Variants in MTCL2 observed in about 807,000 individuals in gnomAD.
The protein encoded by MTCL2 is microtubule cross-linking factor 2.
chr20:36,804,728 G>A, the MTCL2 span: 3 of 1,611,300 alleles, frequency 1.9e-6, no homozygotes, highest in African/African-American at 4.0e-5. Context: ...ACAGGTGGGG[G>A]GCTCACCTGG....
chr20:36,784,564 C>A, the MTCL2 span: 529 of 985,488 alleles, frequency 5.4e-4, no homozygotes, highest in Non-Finnish European at 6.0e-4. Flanking sequence ...ACTCTGGGTC[C>A]CCAGTCAGTT....
the MTCL2 span, chr20:36,815,167 T>C: frequency 6.2e-7 from 1 of 1,612,094 alleles, no homozygotes; most frequent in Non-Finnish European, 8.5e-7. This position sits in a 1 kb window ranked among gnomAD's most constrained non-coding sequence, Gnocchi z 5.3. Context: ...AGAATCTCCT[T>C]AGAGAGCCCC....
chr20:36,863,325 T>C, the MTCL2 span: 38 of 1,177,946 alleles, frequency 3.2e-5, no homozygotes, highest in Non-Finnish European at 3.6e-5. This position sits in a 1 kb window ranked among gnomAD's most constrained non-coding sequence, Gnocchi z 6.2. Context: ...GACCGGGGGC[T>C]CGGCCGCCGG....
the MTCL2 span, among the ~76,000 whole-genome samples, chr20:36,818,718 A>G: frequency 6.6e-6 from 1 of 151,136 alleles, no homozygotes; most frequent in African/African-American, 2.5e-5. Flanking sequence ...GCATGGAAAT[A>G]AAAACACCTT....
chr20:36,858,393 A>AAC, the MTCL2 span, among the ~76,000 whole-genome samples: 2 of 28,686 alleles, frequency 7.0e-5, no homozygotes, highest in African/African-American at 1.4e-4. Context: ...AAGGAGGGAA[A>AAC]ACACACACAC....
chr20:36,831,568 T>C, the MTCL2 span, among the ~76,000 whole-genome samples: 8 of 152,048 alleles, frequency 5.3e-5, no homozygotes, highest in South Asian at 6.2e-4. Flanking sequence ...CCCTTGGCAA[T>C]GTATGAGGCA....
the MTCL2 span, among the ~76,000 whole-genome samples, chr20:36,790,698 A>G: frequency 6.6e-6 from 1 of 150,836 alleles, no homozygotes; most frequent in African/African-American, 2.4e-5. Flanking sequence ...CGGCCTCCCA[A>G]AGTGCTAGGA....
the MTCL2 span, among the ~76,000 whole-genome samples, chr20:36,840,107 G>C: frequency 6.7e-6 from 1 of 149,990 alleles, no homozygotes; most frequent in East Asian, 2.0e-4. Context: ...CAAGCGATCT[G>C]CCCGCCTTGG....
chr20:36,853,229 C>T, the MTCL2 span, among the ~76,000 whole-genome samples: 1 of 152,106 alleles, frequency 6.6e-6, no homozygotes, highest in Non-Finnish European at 1.5e-5. Context: ...GGCCTGGACC[C>T]GCCTCTCCAA....
At chr20:36,859,705 G>A in the MTCL2 span, 1 of 1,231,726 alleles carries the variant, frequency 8.1e-7, no homozygotes, top group Non-Finnish European at 1.0e-6. Context: ...AGTTCCCAGT[G>A]ACCCCTACAA....
the MTCL2 span, chr20:36,784,723 G>T: frequency 1.0e-6 from 1 of 985,542 alleles, no homozygotes; most frequent in Non-Finnish European, 1.2e-6. Flanking sequence ...GCAGCTCACA[G>T]GGGACGTGAG....
chr20:36,826,256 G>C, the MTCL2 span, among the ~76,000 whole-genome samples: 1 of 147,614 alleles, frequency 6.8e-6, no homozygotes, highest in African/African-American at 2.5e-5. Context: ...TGATCCGCCT[G>C]CCTTGGCTTC....
the MTCL2 span, among the ~76,000 whole-genome samples, chr20:36,796,614 C>T: frequency 6.6e-6 from 1 of 152,206 alleles, no homozygotes; most frequent in Admixed American, 6.5e-5. Flanking sequence ...ACCTGTGTTC[C>T]ATTCCCGGAC....
chr20:36,841,882 T>TGGGGGG, the MTCL2 span, among the ~76,000 whole-genome samples: 1 of 141,438 alleles, frequency 7.1e-6, no homozygotes. Flanking sequence ...GGGGTGTGTG[T>TGGGGGG]GTGTGTGTGT....
the MTCL2 span, among the ~76,000 whole-genome samples, chr20:36,845,458 C>T: frequency 7.9e-5 from 12 of 152,266 alleles, no homozygotes; most frequent in Admixed American, 6.5e-5. Flanking sequence ...TCCATCTCTC[C>T]AGGGGGGCCT....
chr20:36,822,591 A>G, the MTCL2 span, among the ~76,000 whole-genome samples: 2 of 151,942 alleles, frequency 1.3e-5, no homozygotes, highest in African/African-American at 4.8e-5. Flanking sequence ...GCACTCAAAC[A>G]CCTTCCTGCC....
At chr20:36,780,427 T>A in the MTCL2 span, 3 of 152,196 alleles carry the variant, frequency 2.0e-5, no homozygotes, top group Admixed American at 1.3e-4. Context: ...ATCTTTAAAA[T>A]GGTAAATTTA....
the MTCL2 span, among the ~76,000 whole-genome samples, chr20:36,843,703 T>C: frequency 1.3e-5 from 2 of 152,200 alleles, no homozygotes; most frequent in East Asian, 3.9e-4. Flanking sequence ...ACTTATTATC[T>C]CTAGAAAGTT....
chr20:36,786,389 G>C, the MTCL2 span: 1 of 1,418,302 alleles, frequency 7.1e-7, no homozygotes, highest in Admixed American at 2.7e-5. Context: ...GCAATGCTGA[G>C]GACACAGCCC....
Sources: gnomAD v4.1 joint callset for allele counts (sites outside exome capture counted in the v4.1 genomes callset) on GRCh38, gnomAD v4.1.1 for gene constraint, Gnocchi (gnomAD v3.1) non-coding constraint, MANE v1.5 for transcripts, NCBI Gene and HGNC (gene_info 2026-07-23, HGNC 2026-07-21) for gene names.